MAPKAPK2: variants seen among roughly 807,000 people sequenced by gnomAD.
MAPKAPK2 encodes MAP kinase-activated protein kinase 2.
MAPKAPK2 carries 9 observed loss-of-function variants against 48.8 expected under a neutral mutation model. The observed-to-expected ratio is 0.18, with a 90% CI of 0.11 to 0.32. The LOEUF (loss-of-function observed/expected upper bound fraction) is 0.32, where lower values mean the gene tolerates loss of function less well. MAPKAPK2 is among the 10% of genes least tolerant of loss of function. MAPKAPK2 has a pLI of 1.00. For missense variants in MAPKAPK2, 331 were observed against 498.3 expected (o/e 0.66, Z 3.20); for synonymous variants, 202 against 190.6 (o/e 1.06, Z -0.49).
intron 1 of MAPKAPK2, among the ~76,000 whole-genome samples, chr1:206,687,263 A>G (rs782079124): frequency 6.6e-6 from 1 of 152,244 alleles, no homozygotes; most frequent in Non-Finnish European, 1.5e-5. Flanking sequence ...ACACACGCAC[A>G]AAATCATCCT....
At chr1:206,706,323 A>T (rs1553428551) in intron 1 of MAPKAPK2, among the ~76,000 whole-genome samples, 2 of 151,634 alleles carry the variant, frequency 1.3e-5, no homozygotes, top group Non-Finnish European at 2.9e-5. Flanking sequence ...AGTCACTCAG[A>T]TGGGGGAGGA....
chr1:206,708,741 C>G (rs993950744), intron 1 of MAPKAPK2, among the ~76,000 whole-genome samples: 3 of 152,156 alleles, frequency 2.0e-5, no homozygotes, highest in African/African-American at 7.2e-5. Flanking sequence ...AGTTTTATTA[C>G]CTAATTAATT....
chr1:206,686,419 C>T (rs997689374), intron 1 of MAPKAPK2, among the ~76,000 whole-genome samples: 2 of 152,180 alleles, frequency 1.3e-5, no homozygotes, highest in African/African-American at 4.8e-5. Context: ...ATATCGACTT[C>T]AGAAGTTAAA....
chr1:206,723,771 C>T (rs1673617768), intron 1 of MAPKAPK2, among the ~76,000 whole-genome samples: 1 of 152,214 alleles, frequency 6.6e-6, no homozygotes, highest in Non-Finnish European at 1.5e-5. Context: ...TTCTTCCCCT[C>T]AGGTGCTGGA....
chr1:206,691,522 T>A (rs900325567), intron 1 of MAPKAPK2, among the ~76,000 whole-genome samples: 1 of 132,906 alleles, frequency 7.5e-6, no homozygotes, highest in African/African-American at 2.7e-5. Flanking sequence ...TACACAGATA[T>A]AGATATGTAG....
intron 1 of MAPKAPK2, among the ~76,000 whole-genome samples, chr1:206,713,365 C>T (rs1428149246): frequency 6.6e-6 from 1 of 152,076 alleles, no homozygotes; most frequent in African/African-American, 2.4e-5. Flanking sequence ...TGCATTGTAG[C>T]TTCAATATAG....
intron 1 of MAPKAPK2, among the ~76,000 whole-genome samples, chr1:206,693,999 C>T (rs377111211): frequency 6.6e-6 from 1 of 152,154 alleles, no homozygotes; most frequent in African/African-American, 2.4e-5. Flanking sequence ...GAGGTGTGGC[C>T]TCTTCCTCTA....
chr1:206,711,952 T>C (rs1254852512), intron 1 of MAPKAPK2, among the ~76,000 whole-genome samples: 1 of 152,008 alleles, frequency 6.6e-6, no homozygotes, highest in Non-Finnish European at 1.5e-5. Context: ...GTTTAGTTTA[T>C]TTCCTTCTGT....
rs2102418085 is a variant in MAPKAPK2, at chr1:206,732,351, G to C, written c.1060-224G>C. On this transcript the variant is annotated intron_variant, in intron 9 of 9. Transcript: ENST00000367103. This position sits in a 1 kb window ranked among gnomAD's most constrained non-coding sequence, Gnocchi z 4.4. ...TGCGGGATCACTGGGGGGCTCTCAG[G>C]GAACAGCAGCAGTGCCATAGCCAGG... 1 of 1,444,160 alleles carries C rather than the reference G, an allele frequency of 6.9e-7. No homozygotes were observed. Among genetic ancestry groups the C allele is most frequent in the Non-Finnish European group, 9.1e-7 (1 of 1,101,912 alleles). The allele number at this position is 1,444,160 out of a possible 1,614,324, so 89.5% of individuals were successfully genotyped here.
At chr1:206,688,924 G>A (rs1278815792) in intron 1 of MAPKAPK2, among the ~76,000 whole-genome samples, 4 of 152,068 alleles carry the variant, frequency 2.6e-5, no homozygotes, top group Admixed American at 1.3e-4. Flanking sequence ...GTGAGCTACC[G>A]CGCCCGGCCT....
At chr1:206,708,935 T>A (rs1673050150) in intron 1 of MAPKAPK2, among the ~76,000 whole-genome samples, 1 of 152,258 alleles carries the variant, frequency 6.6e-6, no homozygotes, top group Admixed American at 6.5e-5. Flanking sequence ...TAGTTTGTTA[T>A]GCTGAGCAGT....
intron 1 of MAPKAPK2, among the ~76,000 whole-genome samples, chr1:206,686,856 A>T (rs1478170825): frequency 6.6e-6 from 1 of 151,978 alleles, no homozygotes; most frequent in Non-Finnish European, 1.5e-5. Flanking sequence ...TTTGCTTTCT[A>T]CTGTAAGTTA....
intron 1 of MAPKAPK2, among the ~76,000 whole-genome samples, chr1:206,722,074 A>AG: frequency 6.6e-6 from 1 of 151,626 alleles, no homozygotes; most frequent in Non-Finnish European, 1.5e-5. Context: ...TCAAAAAAAA[A>AG]AAAAGGCCAG....
intron 1 of MAPKAPK2, among the ~76,000 whole-genome samples, chr1:206,701,876 G>C (rs1399114945): frequency 6.7e-6 from 1 of 149,622 alleles, no homozygotes; most frequent in African/African-American, 2.5e-5. Context: ...ACCTTGTTGA[G>C]GACTACATCC....
At chr1:206,689,735 T>C (rs1672396404) in intron 1 of MAPKAPK2, among the ~76,000 whole-genome samples, 1 of 152,194 alleles carries the variant, frequency 6.6e-6, no homozygotes, top group African/African-American at 2.4e-5. Flanking sequence ...TAAATTAAAA[T>C]TAATTAACAT....
At chr1:206,709,060 A>C (rs1334180301) in intron 1 of MAPKAPK2, among the ~76,000 whole-genome samples, 1 of 152,216 alleles carries the variant, frequency 6.6e-6, no homozygotes, top group Non-Finnish European at 1.5e-5. Flanking sequence ...ATTCTTGCAC[A>C]AATCTTGTTG....
At chr1:206,692,588 G>C (rs1672494180) in intron 1 of MAPKAPK2, among the ~76,000 whole-genome samples, 1 of 152,244 alleles carries the variant, frequency 6.6e-6, no homozygotes, top group Non-Finnish European at 1.5e-5. Context: ...GCCTCTGGCA[G>C]TGAAAGGTTC....
chr1:206,728,585 TG>T (rs200450969), intron 1 of MAPKAPK2, 124 bp from the exon 2 acceptor site: 72 of 873,630 alleles, frequency 8.2e-5, no homozygotes, highest in Admixed American at 2.7e-4. Context: ...AGGGGGCTGG[TG>T]GGGGGGGCCA....
At chr1:206,728,971 G>T in intron 2 of MAPKAPK2, 64 bp from the exon 3 acceptor site, 1 of 1,610,918 alleles carries the variant, frequency 6.2e-7, no homozygotes, top group Non-Finnish European at 8.5e-7. Flanking sequence ...TGATTTTTTG[G>T]GGGGCAGTGG....
Sources: allele counts gnomAD v4.1 joint callset (sites outside exome capture counted in the v4.1 genomes callset), GRCh38; gene constraint gnomAD v4.1.1; non-coding constraint Gnocchi (gnomAD v3.1); transcripts MANE v1.5; gene names NCBI Gene and HGNC (gene_info 2026-07-23, HGNC 2026-07-21).